The following PSD2 variants were observed in gnomAD, a reference collection of about 807,000 sequenced individuals.
PSD2 encodes the protein pleckstrin and Sec7 domain containing 2.
Under a neutral mutation model 69.8 loss-of-function variants are expected in PSD2, and 38 were observed. That is an observed-to-expected ratio of 0.54 (90% CI 0.42 to 0.71). The LOEUF is 0.71. PSD2 is among the 30% of genes least tolerant of loss of function. PSD2 has a pLI of 0.00. For synonymous variants in PSD2, 412 were observed against 423.0 expected (o/e 0.97, Z 0.32); for missense variants, 943 against 1,014.5 (o/e 0.93, Z 0.96).
At chr5:139,780,949 G>A in the PSD2 span, among the ~76,000 whole-genome samples, 4 of 152,178 alleles carry the variant, frequency 2.6e-5, no homozygotes, top group African/African-American at 9.7e-5. Flanking sequence ...TAAGTAACTT[G>A]CCCAAGTTGA....
At chr5:139,766,747 C>T in the PSD2 span, among the ~76,000 whole-genome samples, 711 of 152,202 alleles carry the variant, frequency 4.7e-3, 5 homozygotes, top group African/African-American at 0.016. Context: ...TGCTCTAGGG[C>T]GAATAGAGGG....
chr5:139,829,635 A>G (rs1339275113), intron 7 of PSD2, among the ~76,000 whole-genome samples: 1 of 152,202 alleles, frequency 6.6e-6, no homozygotes, highest in African/African-American at 2.4e-5. Flanking sequence ...CATGTTTTCA[A>G]GATTCATTCA....
At chr5:139,824,118 G>A (rs575118888) in intron 7 of PSD2, among the ~76,000 whole-genome samples, 1 of 152,298 alleles carries the variant, frequency 6.6e-6, no homozygotes, top group East Asian at 1.9e-4. Context: ...CAGTGTTGCT[G>A]GCCTGCTTTG....
Position 139,817,501 on chromosome 5 carries a change from T to C in PSD2, c.1037T>C (p.Val346Ala). ...GGCAGCAACGAGTTTAGCAGGCTGG[T>C]GGCCGGGGAGTACCTCAGTTTCTTC... The part of the protein sequence containing the change: ...LGKNNEFSRL[V>A]AGEYLSFFDF... Residue 346 changes from valine to alanine, a missense_variant, in exon 5 of 15, where the codon GTG (valine) becomes GCG (alanine). Physicochemically the swap from Val to Ala is moderately conservative, Grantham distance 64 (BLOSUM62 0). Coordinates refer to ENST00000274710, the MANE Select transcript of PSD2 (RefSeq NM_032289.4). The C allele has an allele frequency of 6.2e-7, 1 of 1,614,124 alleles. No individual in the cohort carries two copies.
At chr5:139,798,118 G>A (rs547600493) in intron 1 of PSD2, among the ~76,000 whole-genome samples, 4 of 152,306 alleles carry the variant, frequency 2.6e-5, no homozygotes, top group Admixed American at 6.5e-5. Context: ...CTGAGGCTCC[G>A]TATTTAGACT....
the PSD2 span, among the ~76,000 whole-genome samples, chr5:139,751,152 G>C: frequency 6.6e-6 from 1 of 152,118 alleles, no homozygotes; most frequent in Non-Finnish European, 1.5e-5. Context: ...TCAGCTCTGG[G>C]TATGAATGAA....
the PSD2 span, among the ~76,000 whole-genome samples, chr5:139,753,683 C>T: frequency 6.6e-6 from 1 of 152,162 alleles, no homozygotes; most frequent in Non-Finnish European, 1.5e-5. Context: ...GCAACCAAGG[C>T]CCAGAGAGGC....
chr5:139,820,216 G>T (rs1238491768), intron 5 of PSD2, among the ~76,000 whole-genome samples: 1 of 152,172 alleles, frequency 6.6e-6, no homozygotes, highest in South Asian at 2.1e-4. Context: ...GAGTGTCCAG[G>T]GAAGGGGAGT....
intron 7 of PSD2, among the ~76,000 whole-genome samples, chr5:139,827,349 C>T (rs963269080): frequency 4.6e-5 from 7 of 152,214 alleles, no homozygotes; most frequent in African/African-American, 1.2e-4. Context: ...GACATAAAAT[C>T]GGACCAATTA....
At chr5:139,755,003 G>A in the PSD2 span, among the ~76,000 whole-genome samples, 290 of 152,376 alleles carry the variant, frequency 1.9e-3, no homozygotes, top group African/African-American at 6.7e-3. Context: ...GAATCCACAT[G>A]ATAATGGCAG....
chr5:139,776,475 T>C, the PSD2 span, among the ~76,000 whole-genome samples: 1 of 152,170 alleles, frequency 6.6e-6, no homozygotes, highest in South Asian at 2.1e-4. Context: ...TTTGTTTGTT[T>C]TTGTCCAGAA....
intron 1 of PSD2, among the ~76,000 whole-genome samples, chr5:139,804,116 C>T (rs906309071): frequency 1.6e-4 from 25 of 152,196 alleles, no homozygotes. Flanking sequence ...TTGATCATCT[C>T]TTTTAAGTGT....
chr5:139,778,031 G>A, the PSD2 span, among the ~76,000 whole-genome samples: 1 of 152,232 alleles, frequency 6.6e-6, no homozygotes, highest in African/African-American at 2.4e-5. Flanking sequence ...CATGGGCAGG[G>A]CCTCTTTCAG....
intron 7 of PSD2, among the ~76,000 whole-genome samples, chr5:139,830,592 T>TTCTTTTTC (rs779474791): frequency 1.2e-5 from 1 of 85,980 alleles, no homozygotes; most frequent in Non-Finnish European, 2.3e-5. Context: ...CTTTCTTTCT[T>TTCTTTTTC]TTTCTTTCTT....
intron 1 of PSD2, among the ~76,000 whole-genome samples, chr5:139,799,648 G>A (rs1333259611): frequency 6.6e-6 from 1 of 152,170 alleles, no homozygotes; most frequent in African/African-American, 2.4e-5. Context: ...ATGGGAAAGA[G>A]ACCAGCCAGG....
the PSD2 span, among the ~76,000 whole-genome samples, chr5:139,765,943 G>A: frequency 6.6e-6 from 1 of 152,214 alleles, no homozygotes; most frequent in South Asian, 2.1e-4. Flanking sequence ...CCGGGGTGGT[G>A]CGTTCGTTCC....
the PSD2 span, among the ~76,000 whole-genome samples, chr5:139,784,960 T>A: frequency 6.6e-6 from 1 of 151,936 alleles, no homozygotes; most frequent in Non-Finnish European, 1.5e-5. Context: ...GGTTTTAGCA[T>A]GTTGGCCAGG....
chr5:139,829,418 C>T (rs965948339), intron 7 of PSD2, among the ~76,000 whole-genome samples: 2 of 152,204 alleles, frequency 1.3e-5, no homozygotes, highest in African/African-American at 2.4e-5. Flanking sequence ...GGTGTGCAAT[C>T]GTTGCCACTG....
chr5:139,809,375 C>T lies in PSD2; in HGVS notation c.-50-16C>T, dbSNP rs1759891469. 3 of 1,547,120 alleles carry T rather than the reference C, an allele frequency of 1.9e-6. No homozygotes were observed. The highest frequency in any genetic ancestry group is 2.6e-6 in the Non-Finnish European group (3 of 1,151,822). ...GTCCTGTCTGACCAGTTCTTCCTCT[C>T]TCCACCCACTGCCAGGTCTAGAGGA... On this transcript the variant is annotated splice_polypyrimidine_tract_variant and intron_variant, in intron 1 of 14. Transcript: ENST00000274710.
Sources: gnomAD v4.1 joint callset for allele counts (sites outside exome capture counted in the v4.1 genomes callset) on GRCh38, gnomAD v4.1.1 for gene constraint, MANE v1.5 for transcripts, NCBI Gene and HGNC (gene_info 2026-07-23, HGNC 2026-07-21) for gene names.